The following GRAMD4 variants were observed in gnomAD, a reference collection of about 807,000 sequenced individuals.
The protein encoded by GRAMD4 is GRAM domain containing 4.
A neutral mutation model predicts 83.9 loss-of-function variants in GRAMD4; 25 were observed. That is an observed-to-expected ratio of 0.30 (90% CI 0.22 to 0.42). GRAMD4 has a LOEUF of 0.42. Among genes scored for constraint, GRAMD4 ranks in the 10% least tolerant of loss-of-function variants. The pLI is 1.00. For missense variants in GRAMD4, 593 were observed against 788.7 expected, an observed-to-expected ratio of 0.75 and a Z score of 2.97; for synonymous variants, 336 against 320.9, an observed-to-expected ratio of 1.05 and a Z score of -0.50.
chr22:46,604,281 C>A (rs2081344108), intron 1 of GRAMD4, among the ~76,000 whole-genome samples: 2 of 152,156 alleles, frequency 1.3e-5, no homozygotes, highest in South Asian at 4.1e-4. Flanking sequence ...TCCAGATTGT[C>A]TTGGTTCTTC....
intron 1 of GRAMD4, among the ~76,000 whole-genome samples, chr22:46,601,877 T>G (rs765086791): frequency 7.2e-5 from 11 of 152,172 alleles, no homozygotes; most frequent in Non-Finnish European, 1.5e-4. Flanking sequence ...TCACCATGGA[T>G]CAAGGCTCCT....
chr22:46,657,836 C>T lies in GRAMD4; in HGVS notation c.284-351C>T, dbSNP rs115130852. On this transcript the variant is annotated intron_variant, in intron 3 of 18. Coordinates refer to ENST00000406902, the MANE Select transcript of GRAMD4 (RefSeq NM_015124.5). ...TGGCCAGGTGTGGTCAGCGTCCTTT[C>T]CGCAGGTGTCCTCAGCGTGGCGGTG... 4.6e-3 allele frequency among the ~76,000 whole-genome samples: 707 copies of T among 152,312 alleles called. 7 individuals carry two copies. The highest frequency in any genetic ancestry group is 0.016 in the African/African-American group (676 of 41,572).
intron 1 of GRAMD4, among the ~76,000 whole-genome samples, chr22:46,613,956 C>T (rs540194378): frequency 6.6e-6 from 1 of 152,326 alleles, no homozygotes; most frequent in African/African-American, 2.4e-5. Context: ...AGCCCTGTGC[C>T]CTCATGGCCG....
chr22:46,675,625 C>G (rs2082585507), intron 17 of GRAMD4, 73 bp downstream of exon 17: 4 of 985,292 alleles, frequency 4.1e-6, no homozygotes, highest in Non-Finnish European at 6.6e-6. Flanking sequence ...CGAGGCTTTC[C>G]CTATAGACTT....
intron 14 of GRAMD4, 59 bp downstream of exon 14, chr22:46,673,056 C>T: frequency 1.4e-6 from 2 of 1,388,646 alleles, no homozygotes; most frequent in East Asian, 2.5e-5. Flanking sequence ...GCCGGGCATC[C>T]CCAGGCCCAC....
Position 46,661,281 on chromosome 22 carries a change from C to G in GRAMD4, c.405-100C>G, listed in dbSNP as rs1361538577. ...GAGAGCCCTGCTGTCCCTGACCTCTCCTGTGCAGTACACGGTCGCGAGAGC... is the reference window on the plus strand; with the variant it reads ...GAGAGCCCTGCTGTCCCTGACCTCTGCTGTGCAGTACACGGTCGCGAGAGC... On this transcript the variant is annotated intron_variant, in intron 4 of 18. Coordinates refer to ENST00000406902, the MANE Select transcript of GRAMD4 (RefSeq NM_015124.5). The G allele has an allele frequency of 9.4e-6, 8 of 853,384 alleles. No individual in the cohort carries two copies. The Admixed American group carries it at 1.4e-4, about 15-fold the overall frequency. 52.9% of individuals were successfully genotyped at this position (853,384 alleles called of 1,614,324 possible).
intron 8 of GRAMD4, among the ~76,000 whole-genome samples, chr22:46,664,764 C>T (rs1398076124): frequency 6.6e-6 from 1 of 152,226 alleles, no homozygotes; most frequent in East Asian, 1.9e-4. Flanking sequence ...CTAGGGCCTC[C>T]AGGCCAGAGA....
chr22:46,665,532 G>A (rs2082394630), intron 8 of GRAMD4, 83 bp from the exon 9 acceptor site: 6 of 746,390 alleles, frequency 8.0e-6, no homozygotes, highest in South Asian at 3.1e-5. Flanking sequence ...CACTGGGGCC[G>A]CCTGGTGGGG....
intron 3 of GRAMD4, among the ~76,000 whole-genome samples, chr22:46,652,412 C>T (rs1377171472): frequency 5.9e-5 from 9 of 152,196 alleles, no homozygotes; most frequent in Non-Finnish European, 2.9e-5. Flanking sequence ...ATGAGCTCAG[C>T]CCAGGGAGAC....
At chr22:46,630,946 C>T (rs150040257) in intron 2 of GRAMD4, among the ~76,000 whole-genome samples, 3,948 of 149,816 alleles carry the variant, frequency 0.026, 142 homozygotes, top group Admixed American at 0.097. Flanking sequence ...GCCCTCACCC[C>T]GGCCTCTGCA....
intron 1 of GRAMD4, among the ~76,000 whole-genome samples, chr22:46,581,823 C>T (rs879830371): frequency 9.8e-5 from 15 of 152,316 alleles, no homozygotes; most frequent in Non-Finnish European, 1.8e-4. Flanking sequence ...GGGCGGAGAG[C>T]GTGCTTGATC....
Position 46,679,114 on chromosome 22 carries a change from G to A in GRAMD4, c.*1863G>A. 7.1e-6 allele frequency: 7 copies of A among 985,562 alleles called. No individual in the cohort carries two copies. Among genetic ancestry groups the A allele is most frequent in the Non-Finnish European group, 8.4e-6 (7 of 830,000 alleles). 61.1% of individuals were successfully genotyped at this position (985,562 alleles called of 1,614,324 possible). Reference sequence around the variant, plus strand: ...ACCCACCCCCAGGGGCGGCTGCAGAGGCAGTGCCCGCAGACAATGGCCACA... The same window carrying A: ...ACCCACCCCCAGGGGCGGCTGCAGAAGCAGTGCCCGCAGACAATGGCCACA... On this transcript the variant is annotated 3_prime_UTR_variant, in exon 19 of 19. Coordinates refer to ENST00000406902, the MANE Select transcript of GRAMD4 (RefSeq NM_015124.5).
At chr22:46,669,767 C>T (rs9615399) in intron 13 of GRAMD4, among the ~76,000 whole-genome samples, 77,951 of 151,470 alleles carry the variant, frequency 0.51, 20,433 homozygotes, top group Middle Eastern at 0.65. Flanking sequence ...TTAGTAGAGA[C>T]GGGGTTTCAC....
At chr22:46,662,977 A>C (rs2082350878) in intron 5 of GRAMD4, 63 bp from the exon 6 acceptor site, 1 of 1,492,130 alleles carries the variant, frequency 6.7e-7, no homozygotes, top group South Asian at 1.3e-5. Context: ...GAGATCCCGG[A>C]GCCGACCCCA....
intron 1 of GRAMD4, among the ~76,000 whole-genome samples, chr22:46,582,279 C>T (rs2081105957): frequency 6.6e-6 from 1 of 152,142 alleles, no homozygotes; most frequent in Non-Finnish European, 1.5e-5. Flanking sequence ...GCTTGGGACT[C>T]TGTGCCACCA....
At chr22:46,673,880 C>T (rs766318049) in intron 15 of GRAMD4, 66 bp downstream of exon 15, 117 of 1,553,546 alleles carry the variant, frequency 7.5e-5, no homozygotes, top group Admixed American at 1.9e-4. Context: ...GTGAGGGGGG[C>T]GCTGTGGATG....
At chr22:46,577,194 G>A (rs1202160845) in exon 1 of GRAMD4, 1 of 761,024 alleles carries the variant, frequency 1.3e-6, no homozygotes, top group South Asian at 5.9e-5. Context: ...CGGCGCCGCT[G>A]GGCTCCCGGG....
At chr22:46,618,381 T>G (rs2081530648), upstream of GRAMD4, among the ~76,000 whole-genome samples, 2 of 152,018 alleles carry the variant, frequency 1.3e-5, no homozygotes, top group Non-Finnish European at 2.9e-5. This position sits in a 1 kb window ranked among gnomAD's most constrained non-coding sequence, Gnocchi z 5.8. Context: ...AACAGGATGG[T>G]GGAATGACAG....
At position 46,679,104 on chromosome 22, in the gene GRAMD4, C is replaced by T. The variant is rs1052419266; in HGVS notation, c.*1853C>T. 2.6e-5 allele frequency: 26 copies of T among 985,386 alleles called. No homozygotes were observed. Among genetic ancestry groups the T allele is most frequent in the South Asian group, 4.7e-5 (1 of 21,296 alleles). The allele number at this position is 985,386 out of a possible 1,614,324, so 61.0% of individuals were successfully genotyped here. A position where few individuals can be genotyped will look rare whatever the true frequency, so the allele number is the denominator to read the frequency against. On this transcript the variant is annotated 3_prime_UTR_variant, in exon 19 of 19. Coordinates refer to ENST00000406902, the MANE Select transcript of GRAMD4 (RefSeq NM_015124.5). Reference sequence around the variant, plus strand: ...GTGGGCACTGACCCACCCCCAGGGGCGGCTGCAGAGGCAGTGCCCGCAGAC... The same window carrying T: ...GTGGGCACTGACCCACCCCCAGGGGTGGCTGCAGAGGCAGTGCCCGCAGAC...
Sources: gnomAD v4.1 joint callset for allele counts (sites outside exome capture counted in the v4.1 genomes callset) on GRCh38, gnomAD v4.1.1 for gene constraint, Gnocchi (gnomAD v3.1) non-coding constraint, MANE v1.5 for transcripts, NCBI Gene and HGNC (gene_info 2026-07-23, HGNC 2026-07-21) for gene names.